CDKAL1: variants seen among roughly 807,000 people sequenced by gnomAD.
CDKAL1 encodes CDKAL1 threonylcarbamoyladenosine tRNA methylthiotransferase.
A neutral mutation model predicts 68.2 loss-of-function variants in CDKAL1; 32 were observed. The ratio of observed to expected loss-of-function variants is 0.47; its 90% CI spans 0.35 to 0.63. The LOEUF (loss-of-function observed/expected upper bound fraction) is 0.63. Among genes scored for constraint, CDKAL1 ranks in the 30% least tolerant of loss-of-function variants. The pLI is 0.00. For synonymous variants in CDKAL1, 234 were observed against 244.3 expected (o/e 0.96, Z 0.39); for missense variants, 606 against 696.7 (o/e 0.87, Z 1.47).
chr6:20,732,440 T>A (rs1489355527), intron 5 of CDKAL1, among the ~76,000 whole-genome samples: 2 of 138,048 alleles, frequency 1.4e-5, no homozygotes. Flanking sequence ...GACACCTGGC[T>A]ATTTTTTTTT....
At chr6:20,543,732 A>ATTTTTTTTTTTTTTTT (rs758586145) in intron 2 of CDKAL1, among the ~76,000 whole-genome samples, 1 of 102,418 alleles carries the variant, frequency 9.8e-6, no homozygotes, top group African/African-American at 4.1e-5. Context: ...TATGTTTTAC[A>ATTTTTTTTTTTTTTTT]TTTTTTTTTT....
At chr6:20,690,285 T>A (rs1247633341) in intron 5 of CDKAL1, among the ~76,000 whole-genome samples, 1 of 152,270 alleles carries the variant, frequency 6.6e-6, no homozygotes, top group Non-Finnish European at 1.5e-5. Context: ...TTATCCAATT[T>A]TTTATTCAGT....
At chr6:21,175,344 C>A (rs1038902967) in intron 13 of CDKAL1, among the ~76,000 whole-genome samples, 1 of 152,134 alleles carries the variant, frequency 6.6e-6, no homozygotes, top group Non-Finnish European at 1.5e-5. Flanking sequence ...AATCTATTTA[C>A]TAAATTGGTT....
intron 5 of CDKAL1, among the ~76,000 whole-genome samples, chr6:20,697,469 T>C (rs1183928468): frequency 2.0e-5 from 3 of 152,214 alleles, no homozygotes. Context: ...ATATACATTG[T>C]ATAATTTAAG....
chr6:21,145,522 C>G (rs913899883), intron 13 of CDKAL1, among the ~76,000 whole-genome samples: 7 of 152,162 alleles, frequency 4.6e-5, no homozygotes, highest in African/African-American at 1.7e-4. Flanking sequence ...TCAGCTTATT[C>G]CTAATTCCTA....
intron 9 of CDKAL1, among the ~76,000 whole-genome samples, chr6:20,885,240 T>C (rs927231924): frequency 1.3e-5 from 2 of 152,080 alleles, no homozygotes; most frequent in Non-Finnish European, 2.9e-5. Flanking sequence ...GGGACAAAAT[T>C]AGAGGACTCA....
At chr6:20,925,714 A>T (rs770841399) in intron 9 of CDKAL1, among the ~76,000 whole-genome samples, 25 of 152,182 alleles carry the variant, frequency 1.6e-4, no homozygotes, top group Admixed American at 3.3e-4. Context: ...TCTTTTAAAT[A>T]GACTTACCGA....
rs141354940 is a variant in CDKAL1 at position 20,870,110 on chromosome 6, G to A, written c.742+23932G>A. ...CATGAATGTTCCAAAAATGGAAAAC[G>A]AGAGAAAAACCTATTCGCTTCTTCC... On this transcript the variant is annotated intron_variant, in intron 9 of 15. Transcript: ENST00000274695. Among the ~76,000 whole-genome samples the A allele has an allele frequency of 3.4e-4, 51 of 152,212 alleles. No individual in the cohort carries two copies. The East Asian group carries it at 6.4e-3, about 19-fold the overall frequency.
At chr6:20,586,435 C>A (rs527481451) in intron 4 of CDKAL1, among the ~76,000 whole-genome samples, 2 of 152,108 alleles carry the variant, frequency 1.3e-5, no homozygotes, top group Non-Finnish European at 2.9e-5. Context: ...GTCAGGAGTT[C>A]GAGAACAGCC....
Position 20,568,528 on chromosome 6 carries a change from T to C in CDKAL1, c.286+19823T>C, listed in dbSNP as rs1330942386. 4.0e-5 allele frequency among the ~76,000 whole-genome samples: 6 copies of C among 151,770 alleles called. No individual in the cohort carries two copies. The East Asian group carries it at 1.2e-3, about 30-fold the overall frequency. On this transcript the variant is annotated intron_variant, in intron 4 of 15. Transcript: ENST00000274695. The stretch of plus-strand genomic sequence containing the variant: ...GGCGGGCGGATCAGAGGTCAGGAGA[T>C]TGAGACCATCCTGGCTAACACGGTA...
chr6:20,542,540 T>C (rs1182923710), intron 2 of CDKAL1, among the ~76,000 whole-genome samples: 1 of 152,180 alleles, frequency 6.6e-6, no homozygotes, highest in East Asian at 1.9e-4. Context: ...ATAGTATTAG[T>C]GGTAGTACTA....
At chr6:20,595,982 A>G (rs571598007) in intron 4 of CDKAL1, among the ~76,000 whole-genome samples, 1 of 152,258 alleles carries the variant, frequency 6.6e-6, no homozygotes, top group South Asian at 2.1e-4. Context: ...GACCCTGTTT[A>G]CCTGGGTATG....
intron 5 of CDKAL1, among the ~76,000 whole-genome samples, chr6:20,724,700 A>G (rs532444469): frequency 6.6e-6 from 1 of 152,232 alleles, no homozygotes; most frequent in Admixed American, 6.5e-5. Context: ...CCCTGCCTCA[A>G]ACAAACAAAC....
At chr6:20,702,477 T>C (rs1225355841) in intron 5 of CDKAL1, among the ~76,000 whole-genome samples, 1 of 152,114 alleles carries the variant, frequency 6.6e-6, no homozygotes, top group Non-Finnish European at 1.5e-5. Flanking sequence ...CAAGGTTTAA[T>C]TGAGTGGAAG....
At chr6:20,988,895 T>C (rs1054007697) in intron 10 of CDKAL1, among the ~76,000 whole-genome samples, 2 of 151,176 alleles carry the variant, frequency 1.3e-5, no homozygotes, top group African/African-American at 4.9e-5. Context: ...CCTTACCTCA[T>C]GATCCATCTG....
chr6:21,130,486 A>C (rs1775257975), intron 13 of CDKAL1, among the ~76,000 whole-genome samples: 1 of 152,120 alleles, frequency 6.6e-6, no homozygotes. Context: ...TGGCCTCCCA[A>C]AGTGCTGGGA....
intron 5 of CDKAL1, among the ~76,000 whole-genome samples, chr6:20,654,194 T>A (rs1232407149): frequency 6.6e-6 from 1 of 152,228 alleles, no homozygotes; most frequent in Non-Finnish European, 1.5e-5. Context: ...TTGTTGCATT[T>A]CTGTGATCAT....
At chr6:20,697,304 G>A (rs1431056445) in intron 5 of CDKAL1, among the ~76,000 whole-genome samples, 1 of 152,108 alleles carries the variant, frequency 6.6e-6, no homozygotes, top group Non-Finnish European at 1.5e-5. Context: ...GAAAATAATG[G>A]CTTCTTAAAG....
intron 13 of CDKAL1, among the ~76,000 whole-genome samples, chr6:21,146,410 A>G (rs974756602): frequency 6.6e-6 from 1 of 152,122 alleles, no homozygotes; most frequent in Non-Finnish European, 1.5e-5. Context: ...AACCTTTCTA[A>G]TCTATCCTTC....
Sources: gnomAD v4.1 joint callset for allele counts (sites outside exome capture counted in the v4.1 genomes callset) on GRCh38, gnomAD v4.1.1 for gene constraint, MANE v1.5 for transcripts, NCBI Gene and HGNC (gene_info 2026-07-23, HGNC 2026-07-21) for gene names.